Variants in TBL3 observed in about 807,000 individuals in gnomAD.
TBL3 encodes the protein transducin beta like 3, also known as transducin beta-like protein 3.
Under a neutral mutation model 102.7 loss-of-function variants are expected in TBL3, and 71 were observed. The ratio of observed to expected loss-of-function variants is 0.69; its 90% confidence interval spans 0.57 to 0.84. The LOEUF (loss-of-function observed/expected upper bound fraction) is 0.84, where lower values mean the gene tolerates loss of function less well. Among genes scored for constraint, TBL3 ranks in the 40% least tolerant of loss-of-function variants. The probability of loss-of-function intolerance (pLI) is 0.00; values close to 1 mark genes in which losing one functional copy is unlikely to be tolerated. For synonymous variants in TBL3, 578 were observed against 477.7 expected (o/e 1.21, Z -2.74); for missense variants, 1,188 against 1,098.5 (o/e 1.08, Z -1.15).
chr16:1,979,590 G>C lies in TBL3; in HGVS notation c.*905G>C. 6.7e-7 allele frequency: 1 copy of C among 1,500,496 alleles called. No homozygotes were observed. The allele number at this position is 1,500,496 out of a possible 1,614,324, so 92.9% of individuals were successfully genotyped here. A position where few individuals can be genotyped will look rare whatever the true frequency, so the allele number is the denominator to read the frequency against. The stretch of plus-strand genomic sequence containing the variant: ...GTCACCGCGGGGCCACAGAGGACGA[G>C]GCCCGCCCGCACCCTTCTCCACATT... On this transcript the variant is annotated 3_prime_UTR_variant, in exon 22 of 22. Transcript: ENST00000568546.
chr16:1,979,339 G>T lies in TBL3; in HGVS notation c.*654G>T. 1 of 1,576,064 alleles carries T rather than the reference G, an allele frequency of 6.3e-7. No individual in the cohort carries two copies. The highest frequency in any genetic ancestry group is 1.1e-5 in the South Asian group (1 of 87,858). On this transcript the variant is annotated 3_prime_UTR_variant, in exon 22 of 22. Coordinates refer to ENST00000568546, the MANE Select transcript of TBL3 (RefSeq NM_006453.3). The stretch of plus-strand genomic sequence containing the variant: ...AGCACCGCGGGGAGTAGGCCCGCCC[G>T]GTCGCCGTACCTGCGAGGGGCGGGG...
Position 1,979,635 on chromosome 16 carries a change from G to A in TBL3, c.*950G>A. 7.6e-7 allele frequency: 1 copy of A among 1,322,078 alleles called. No homozygotes were observed. Among genetic ancestry groups the A allele is most frequent in the South Asian group, 1.3e-5 (1 of 74,528 alleles). The allele number at this position is 1,322,078 out of a possible 1,614,324, so 81.9% of individuals were successfully genotyped here. ...CACATTCTCCTTGCTTGAGTCTGCT[G>A]ACGGCGGGGCCGCTCTAAGACCGGT... is the stretch of plus-strand genomic sequence containing the variant. On this transcript the variant is annotated 3_prime_UTR_variant, in exon 22 of 22. Coordinates refer to ENST00000568546, the MANE Select transcript of TBL3 (RefSeq NM_006453.3).
Position 1,979,919 on chromosome 16 carries a change from G to C in TBL3, c.*1234G>C. The C allele has an allele frequency of 6.3e-7, 1 of 1,577,648 alleles. No individual in the cohort carries two copies. Among genetic ancestry groups the C allele is most frequent in the Non-Finnish European group, 8.6e-7 (1 of 1,162,232 alleles). On this transcript the variant is annotated 3_prime_UTR_variant, in exon 22 of 22. Coordinates refer to ENST00000568546, the MANE Select transcript of TBL3 (RefSeq NM_006453.3). ...AGCCACCAGCCTGTGCGCAAGAAGC[G>C]GGCAGGGACTCAAATCTCGAGGCTC...
chr16:1,978,680 C>G lies in TBL3; in HGVS notation c.2422C>G (p.Pro808Ala), dbSNP rs1332589588. Reference protein sequence around the residue: ...TPWETHKGALP With the variant: ...TPWETHKGALA ...CTGGGAAACCCATAAAGGCGCACTG[C>G]CCTAGCCGGTCCGGCCTCTCTCCAG... is the stretch of plus-strand genomic sequence containing the variant. Residue 808 changes from proline to alanine, a missense_variant, in exon 22 of 22, where the codon CCC (proline) becomes GCC (alanine). Coordinates refer to ENST00000568546, the MANE Select transcript of TBL3 (RefSeq NM_006453.3). The G allele has an allele frequency of 3.7e-6, 6 of 1,608,110 alleles. No individual in the cohort carries two copies. Among genetic ancestry groups the G allele is most frequent in the Non-Finnish European group, 5.1e-6 (6 of 1,176,484 alleles).
rs759496022 is a variant in TBL3 at position 1,974,399 on chromosome 16, C to T, written c.213C>T (p.Ala71=). The change falls in exon 4 of 22, where the codon GCC becomes GCT. Residue 71 remains alanine (A), a synonymous_variant. Transcript: ENST00000568546. ...AGGAGGACCAGGAGGACATCACTGC[C>T]TTTGACCTCAGCCCTGACAACGAGG... ...LEQEDQEDIT[A]FDLSPDNEVL... The T allele has an allele frequency of 2.9e-5, 47 of 1,610,892 alleles. No individual in the cohort carries two copies. The highest frequency in any genetic ancestry group is 4.0e-5 in the Non-Finnish European group (47 of 1,178,392).
At chr16:1,973,207 C>T (rs912015806) in intron 1 of TBL3, among the ~76,000 whole-genome samples, 5 of 152,062 alleles carry the variant, frequency 3.3e-5, no homozygotes, top group African/African-American at 1.2e-4. Flanking sequence ...TTTTGGAGGC[C>T]GAAGCGGGCG....
chr16:1,974,374 A>G lies in TBL3; in HGVS notation c.190-2A>G. ...TGCTCGGCACACCACTCTTTCTCCT[A>G]GGAGGACCAGGAGGACATCACTGCC... is the stretch of plus-strand genomic sequence containing the variant. On this transcript the variant is annotated splice_acceptor_variant, in intron 3 of 21. Coordinates refer to ENST00000568546, the MANE Select transcript of TBL3 (RefSeq NM_006453.3). LOFTEE classifies it high-confidence loss of function. 6.2e-7 allele frequency: 1 copy of G among 1,609,040 alleles called. No homozygotes were observed. Among genetic ancestry groups the G allele is most frequent in the Non-Finnish European group, 8.5e-7 (1 of 1,177,202 alleles).
In TBL3 at chr16:1,982,636, C is replaced by T. The variant is rs1278249686; in HGVS notation, c.*3951C>T. On this transcript the variant is annotated 3_prime_UTR_variant, in exon 22 of 22. Coordinates refer to ENST00000568546, the MANE Select transcript of TBL3 (RefSeq NM_006453.3). ...CTCACTTGCCCCTACAAAATCCACT[C>T]CAAGGACAGACACAGTGCCTCACCT... is the stretch of plus-strand genomic sequence containing the variant. 2 of 152,314 alleles carry T rather than the reference C, an allele frequency of 1.3e-5. No homozygotes were observed. Among genetic ancestry groups the T allele is most frequent in the African/African-American group, 4.8e-5 (2 of 41,414 alleles). 9.4% of individuals were successfully genotyped at this position (152,314 alleles called of 1,614,324 possible). A position where few individuals can be genotyped will look rare whatever the true frequency, so the allele number is the denominator to read the frequency against.
In TBL3 at chr16:1,980,923, G is replaced by A. The variant is rs755257384; in HGVS notation, c.*2238G>A. ...AAGCCGCCACCGCGGCATCAGGGTG[G>A]CCCAGGGTCACTCACCTTGAGCTGC... is the stretch of plus-strand genomic sequence containing the variant. On this transcript the variant is annotated 3_prime_UTR_variant, in exon 22 of 22. Coordinates refer to ENST00000568546, the MANE Select transcript of TBL3 (RefSeq NM_006453.3). 1.2e-6 allele frequency: 2 copies of A among 1,608,966 alleles called. No homozygotes were observed.
chr16:1,977,870 G>C, intron 18 of TBL3, 70 bp downstream of exon 18: 1 of 1,593,340 alleles, frequency 6.3e-7, no homozygotes, highest in Non-Finnish European at 8.6e-7. Context: ...ACGAGGCTGA[G>C]TGCCAGGCTC....
Position 1,978,209 on chromosome 16 carries a change from G to A in TBL3, c.2123G>A (p.Arg708His), listed in dbSNP as rs1004814596. The change falls in exon 20 of 22, where the codon CGC becomes CAC. Residue 708 changes from arginine (R) to histidine (H), a missense_variant. Transcript: ENST00000568546. ...GAAGCCACCATGCTCCGACTGCGGC[G>A]CGACCAGAAAGGTTGGCGGCCAGTC... ...KLEATMLRLRRDQKEALLRFC... is the reference protein window; with the variant it reads ...KLEATMLRLRHDQKEALLRFC... 6 of 1,612,832 alleles carry A rather than the reference G, an allele frequency of 3.7e-6. No individual in the cohort carries two copies. In the East Asian group the frequency reaches 6.7e-5, roughly 18 times the overall value.
rs747535316 is a variant in TBL3 at position 1,975,346 on chromosome 16, G to A, written c.713G>A (p.Ser238Asn). Residue 238 changes from serine to asparagine, a missense_variant and splice_region_variant, in exon 9 of 22, where the codon AGC becomes AAC. By Grantham distance (46) the Ser-to-Asn change is conservative. Transcript: ENST00000568546. ...QATRTVPVFE[S>N]VEAAVLLPEE... ...GCCTGTGACCCAATTCGTCTCCAGA[G>A]CGTGGAGGCTGCTGTGCTGTTGCCA... is the stretch of plus-strand genomic sequence containing the variant. The A allele has an allele frequency of 1.4e-5, 22 of 1,614,076 alleles. No homozygotes were observed. Among genetic ancestry groups the A allele is most frequent in the Non-Finnish European group, 1.9e-5 (22 of 1,180,036 alleles).
Position 1,975,075 on chromosome 16 carries a change from C to T in TBL3, c.612C>T (p.Ser204=), listed in dbSNP as rs757526773. 30 of 1,609,628 alleles carry T rather than the reference C, an allele frequency of 1.9e-5. No homozygotes were observed. Among genetic ancestry groups the T allele is most frequent in the East Asian group, 4.5e-5 (2 of 44,892 alleles). ...GCGCCGTCACCTCACTGGCCTTCAGCGCCGACGGCCACACCATGCTCAGGT... is the reference window on the plus strand; with the variant it reads ...GCGCCGTCACCTCACTGGCCTTCAGTGCCGACGGCCACACCATGCTCAGGT... ...HYSAVTSLAF[S]ADGHTMLSSG... Residue 204 remains serine, a synonymous_variant, in exon 7 of 22, where the codon AGC becomes AGT. Transcript: ENST00000568546.
Position 1,978,239 on chromosome 16 carries a change from TG to T in TBL3, c.2134+22del. 1 of 1,612,582 alleles carries T rather than the reference TG, an allele frequency of 6.2e-7. No homozygotes were observed. ...CAGAAAGGTTGGCGGCCAGTCAGGG[TG>T]GGTGGCCCGGTGGGCAAGGGCCAGT... On this transcript the variant is annotated intron_variant, in intron 20 of 21. Coordinates refer to ENST00000568546, the MANE Select transcript of TBL3 (RefSeq NM_006453.3).
Position 1,975,339 on chromosome 16 carries a change from C to T in TBL3, c.712-6C>T. ...GATAGCAGCCTGTGACCCAATTCGT[C>T]TCCAGAGCGTGGAGGCTGCTGTGCT... On this transcript the variant is annotated splice_region_variant and splice_polypyrimidine_tract_variant and intron_variant, in intron 8 of 21. Coordinates refer to ENST00000568546, the MANE Select transcript of TBL3 (RefSeq NM_006453.3). The T allele has an allele frequency of 1.2e-6, 2 of 1,614,068 alleles. No individual in the cohort carries two copies. Among genetic ancestry groups the T allele is most frequent in the Non-Finnish European group, 1.7e-6 (2 of 1,180,034 alleles).
rs539068939 is a variant in TBL3 at position 1,980,454 on chromosome 16, G to T, written c.*1769G>T. On this transcript the variant is annotated 3_prime_UTR_variant, in exon 22 of 22. Transcript: ENST00000568546. ...CGGGCTCCGTGCCACGCGCTCTGCA[G>T]TCGCCAGCAGCCTCCGAGAATAGGT... The T allele has an allele frequency of 6.2e-7, 1 of 1,601,932 alleles. No homozygotes were observed. The highest frequency in any genetic ancestry group is 8.5e-7 in the Non-Finnish European group (1 of 1,179,862).
intron 1 of TBL3, 54 bp downstream of exon 1, chr16:1,972,259 A>G (rs565344660): frequency 1.5e-6 from 2 of 1,300,668 alleles, no homozygotes; most frequent in Admixed American, 4.1e-5. Context: ...TGCAGCCGGC[A>G]TAGCGGAGGC....
At chr16:1,973,651 G>A (rs1941040691) in intron 1 of TBL3, among the ~76,000 whole-genome samples, 1 of 152,084 alleles carries the variant, frequency 6.6e-6, no homozygotes, top group African/African-American at 2.4e-5. Context: ...AGGGGAAGAG[G>A]TATGCCAGAC....
chr16:1,976,334 C>A lies in TBL3; in HGVS notation c.1292+20C>A, dbSNP rs752905250. 1.2e-6 allele frequency: 2 copies of A among 1,601,970 alleles called. No homozygotes were observed. The highest frequency in any genetic ancestry group is 1.7e-6 in the Non-Finnish European group (2 of 1,172,784). On this transcript the variant is annotated intron_variant, in intron 13 of 21. Coordinates refer to ENST00000568546, the MANE Select transcript of TBL3 (RefSeq NM_006453.3). ...CTCTAGGTAGTGAGTCGGGGCTGGG[C>A]CCAGGGGTGTCAGGGAGGTGGAGGC... is the stretch of plus-strand genomic sequence containing the variant.
Sources: gnomAD v4.1 joint callset for allele counts (sites outside exome capture counted in the v4.1 genomes callset) on GRCh38, gnomAD v4.1.1 for gene constraint, MANE v1.5 for transcripts, NCBI Gene and HGNC (gene_info 2026-07-23, HGNC 2026-07-21) for gene names.